Variants in GUCA1C observed in about 807,000 individuals in gnomAD.
GUCA1C encodes guanylyl cyclase-activating protein 3.
A neutral mutation model predicts 16.2 loss-of-function variants in GUCA1C; 15 were observed. The observed-to-expected ratio is 0.93, with a 90% CI of 0.62 to 1.43. GUCA1C has a LOEUF of 1.43. Ranked by LOEUF, GUCA1C falls within the 40% of genes most tolerant of loss-of-function variation. The pLI, the probability that GUCA1C is intolerant of heterozygous loss-of-function variation, is 0.00. For synonymous variants in GUCA1C, 78 were observed against 85.4 expected, an observed-to-expected ratio of 0.91 and a Z score of 0.48; for missense variants, 275 against 244.8, an observed-to-expected ratio of 1.12 and a Z score of -0.82.
intron 1 of GUCA1C, among the ~76,000 whole-genome samples, chr3:108,930,055 T>C (rs1226433492): frequency 6.6e-6 from 1 of 152,256 alleles, no homozygotes; most frequent in Non-Finnish European, 1.5e-5. Flanking sequence ...TGTCACTCTT[T>C]AGAATCATAT....
intron 1 of GUCA1C, among the ~76,000 whole-genome samples, chr3:108,941,368 C>T (rs1946784415): frequency 6.6e-6 from 1 of 152,168 alleles, no homozygotes; most frequent in Admixed American, 6.5e-5. Flanking sequence ...CTAATGCTGA[C>T]AACTGTTCTT....
intron 3 of GUCA1C, among the ~76,000 whole-genome samples, chr3:108,911,239 C>T (rs1559838736): frequency 2.0e-5 from 3 of 152,048 alleles, no homozygotes; most frequent in Admixed American, 6.6e-5. Flanking sequence ...GCATTTCTTC[C>T]CATTTACATC....
At chr3:108,947,845 T>C (rs796392438) in intron 1 of GUCA1C, among the ~76,000 whole-genome samples, 6 of 152,346 alleles carry the variant, frequency 3.9e-5, no homozygotes, top group African/African-American at 1.4e-4. Flanking sequence ...GTAGTTTTCC[T>C]TGTACTTTGC....
At chr3:108,944,805 C>T (rs1036005372) in intron 1 of GUCA1C, among the ~76,000 whole-genome samples, 3 of 152,140 alleles carry the variant, frequency 2.0e-5, no homozygotes, top group Non-Finnish European at 4.4e-5. Context: ...AATAGGTGCC[C>T]GTTCTAGGGA....
In GUCA1C at chr3:108,920,423, C is replaced by G. The variant is rs6791441; in HGVS notation, c.354+13G>C. ...ATAGCGGCCTGAAAAGGATACTTTA[C>G]TACTTCACTTACCATGAACATGTCC... On this transcript the variant is annotated intron_variant, in intron 2 of 3. Coordinates refer to ENST00000261047, the MANE Select transcript of GUCA1C (RefSeq NM_005459.4). 1 of 1,596,082 alleles carries G rather than the reference C, an allele frequency of 6.3e-7. No homozygotes were observed. Among genetic ancestry groups the G allele is most frequent in the Non-Finnish European group, 8.6e-7 (1 of 1,164,536 alleles).
intron 1 of GUCA1C, among the ~76,000 whole-genome samples, chr3:108,948,533 A>G (rs558726521): frequency 6.6e-6 from 1 of 152,240 alleles, no homozygotes; most frequent in East Asian, 1.9e-4. Context: ...CCTACTCCAG[A>G]GCTTCCTAAA....
intron 1 of GUCA1C, among the ~76,000 whole-genome samples, chr3:108,927,797 T>C (rs566145993): frequency 6.6e-6 from 1 of 152,296 alleles, no homozygotes; most frequent in Admixed American, 6.5e-5. Flanking sequence ...TCTTCTTTTG[T>C]CATACTATCA....
At chr3:108,918,208 A>G (rs1946536995) in intron 2 of GUCA1C, among the ~76,000 whole-genome samples, 1 of 152,004 alleles carries the variant, frequency 6.6e-6, no homozygotes, top group East Asian at 1.9e-4. Flanking sequence ...TCTCCAACTC[A>G]CCAAAATGTC....
chr3:108,946,110 A>G (rs1946841522), intron 1 of GUCA1C, among the ~76,000 whole-genome samples: 1 of 152,126 alleles, frequency 6.6e-6, no homozygotes, highest in Non-Finnish European at 1.5e-5. Context: ...AGTTAATCTA[A>G]AAGAGTTTCA....
intron 1 of GUCA1C, among the ~76,000 whole-genome samples, chr3:108,941,587 G>C (rs1276049198): frequency 6.6e-6 from 1 of 152,122 alleles, no homozygotes; most frequent in Non-Finnish European, 1.5e-5. Flanking sequence ...TTTGGAAATG[G>C]GCTCATCCCT....
chr3:108,939,604 G>A (rs1437467507), intron 1 of GUCA1C, among the ~76,000 whole-genome samples: 2 of 151,404 alleles, frequency 1.3e-5, no homozygotes, highest in Non-Finnish European at 2.9e-5. Context: ...TGGGATTACA[G>A]GCATGAGCCA....
At chr3:108,918,716 G>A (rs1481011913) in intron 2 of GUCA1C, among the ~76,000 whole-genome samples, 1 of 152,156 alleles carries the variant, frequency 6.6e-6, no homozygotes, top group Non-Finnish European at 1.5e-5. Context: ...TGCCTGGGCT[G>A]AATTCCATTT....
intron 1 of GUCA1C, among the ~76,000 whole-genome samples, chr3:108,947,781 T>G (rs1946856465): frequency 6.6e-6 from 1 of 152,222 alleles, no homozygotes; most frequent in African/African-American, 2.4e-5. Flanking sequence ...TCTACTTTTG[T>G]ATGTGGAAAA....
intron 3 of GUCA1C, among the ~76,000 whole-genome samples, chr3:108,914,400 C>A (rs2107276352): frequency 6.6e-6 from 1 of 152,278 alleles, no homozygotes; most frequent in South Asian, 2.1e-4. Context: ...TTCATGTTTT[C>A]TCGAATACAC....
intron 1 of GUCA1C, among the ~76,000 whole-genome samples, chr3:108,937,961 C>T (rs1033208958): frequency 2.0e-5 from 3 of 151,932 alleles, no homozygotes; most frequent in African/African-American, 7.3e-5. Flanking sequence ...ATTCCAGCTA[C>T]TCGGGAGGCT....
At chr3:108,954,683 C>A (rs1275511073), upstream of GUCA1C, among the ~76,000 whole-genome samples, 1 of 151,860 alleles carries the variant, frequency 6.6e-6, no homozygotes, top group Non-Finnish European at 1.5e-5. Context: ...ATACTTAGAA[C>A]CAGAAAACCC....
At chr3:108,930,437 T>C (rs1185005590) in intron 1 of GUCA1C, among the ~76,000 whole-genome samples, 12 of 152,364 alleles carry the variant, frequency 7.9e-5, no homozygotes, top group Non-Finnish European at 1.8e-4. Flanking sequence ...CAAAGGCTAT[T>C]TGGCTTTTTA....
intron 1 of GUCA1C, among the ~76,000 whole-genome samples, chr3:108,930,319 G>A (rs1419262011): frequency 6.6e-6 from 1 of 152,196 alleles, no homozygotes; most frequent in Admixed American, 6.5e-5. Flanking sequence ...AGATTTATCA[G>A]TCTGTAAAGT....
intron 1 of GUCA1C, among the ~76,000 whole-genome samples, chr3:108,928,434 A>C (rs1381626010): frequency 3.9e-5 from 6 of 152,196 alleles, no homozygotes. Context: ...GCAGAGCAGA[A>C]GTTTTTAATT....
Sources: gnomAD v4.1 joint callset for allele counts (sites outside exome capture counted in the v4.1 genomes callset) on GRCh38, gnomAD v4.1.1 for gene constraint, MANE v1.5 for transcripts, NCBI Gene and HGNC (gene_info 2026-07-23, HGNC 2026-07-21) for gene names.